TTC27: variants seen among roughly 807,000 people sequenced by gnomAD.
TTC27 encodes tetratricopeptide repeat domain 27.
A neutral mutation model predicts 115.9 loss-of-function variants in TTC27; 79 were observed. The ratio of observed to expected loss-of-function variants is 0.68; its 90% CI spans 0.57 to 0.82. The LOEUF is 0.82. Among genes scored for constraint, TTC27 ranks in the 40% least tolerant of loss-of-function variants. The pLI is 0.00. For synonymous variants in TTC27, 401 were observed against 356.0 expected (o/e 1.13, Z -1.42); for missense variants, 1,054 against 993.1 (o/e 1.06, Z -0.82).
intron 8 of TTC27, among the ~76,000 whole-genome samples, chr2:32,676,348 G>T (rs1206909100): frequency 6.6e-6 from 1 of 151,300 alleles, no homozygotes; most frequent in Non-Finnish European, 1.5e-5. Flanking sequence ...TCCCTTCATT[G>T]ATTTTTTTTC....
intron 4 of TTC27, among the ~76,000 whole-genome samples, chr2:32,647,627 G>T (rs1664917310): frequency 6.6e-6 from 1 of 152,176 alleles, no homozygotes; most frequent in South Asian, 2.1e-4. Context: ...ATGGTGTGTA[G>T]CAGTTTAGAA....
chr2:32,658,511 T>C (rs1665418573), intron 5 of TTC27, among the ~76,000 whole-genome samples: 1 of 152,238 alleles, frequency 6.6e-6, no homozygotes, highest in African/African-American at 2.4e-5. Context: ...TACCCATTCC[T>C]AGGCAGAGTT....
At chr2:32,774,876 C>T (rs915537022) in intron 13 of TTC27, among the ~76,000 whole-genome samples, 3 of 152,158 alleles carry the variant, frequency 2.0e-5, no homozygotes, top group Non-Finnish European at 4.4e-5. Flanking sequence ...TAGCAGTTAA[C>T]GATCCTAGGA....
At chr2:32,808,327 G>C (rs967395019) in intron 16 of TTC27, among the ~76,000 whole-genome samples, 2 of 152,164 alleles carry the variant, frequency 1.3e-5, no homozygotes, top group African/African-American at 4.8e-5. Flanking sequence ...TATCTGCCAT[G>C]ACCCTCAATG....
At chr2:32,711,321 C>T (rs1389749191) in intron 10 of TTC27, among the ~76,000 whole-genome samples, 1 of 152,122 alleles carries the variant, frequency 6.6e-6, no homozygotes, top group African/African-American at 2.4e-5. Context: ...CAGGGTAGTA[C>T]TGTAGAAAAT....
intron 19 of TTC27, 107 bp downstream of exon 19, chr2:32,817,664 A>G (rs1347831213): frequency 2.9e-6 from 3 of 1,035,288 alleles, no homozygotes; most frequent in East Asian, 5.0e-5. Context: ...TTTTAGGCGC[A>G]TGTTTTATTT....
At position 32,758,350 on chromosome 2, in the gene TTC27, T is replaced by C. The variant is rs1259054401; in HGVS notation, c.1511T>C (p.Leu504Ser). The change falls in exon 13 of 20, where the codon TTG becomes TCG. Residue 504 changes from leucine (L) to serine (S), a missense_variant. Physicochemically the swap from Leu to Ser is moderately radical, Grantham distance 145. Transcript: ENST00000317907. Reference protein sequence around the residue: ...EKKETPSLYCLLGDVLGDHSC... With the variant: ...EKKETPSLYCSLGDVLGDHSC... ...AAAGAAACGCCTAGTTTATACTGCTTGCTTGGAGATGTCCTCGGAGACCAT... is the reference window on the plus strand; with the variant it reads ...AAAGAAACGCCTAGTTTATACTGCTCGCTTGGAGATGTCCTCGGAGACCAT... 2 of 1,614,104 alleles carry C rather than the reference T, an allele frequency of 1.2e-6. No homozygotes were observed. Among genetic ancestry groups the C allele is most frequent in the African/African-American group, 2.7e-5 (2 of 74,934 alleles).
At chr2:32,785,723 G>A (rs1251260262) in intron 15 of TTC27, among the ~76,000 whole-genome samples, 1 of 152,164 alleles carries the variant, frequency 6.6e-6, no homozygotes, top group African/African-American at 2.4e-5. Flanking sequence ...AGCCTCCCAA[G>A]TAGCTGGGAC....
intron 5 of TTC27, among the ~76,000 whole-genome samples, chr2:32,659,378 G>T (rs1429198709): frequency 1.4e-5 from 2 of 141,682 alleles, no homozygotes; most frequent in Non-Finnish European, 3.0e-5. Flanking sequence ...TTTTTTTAAG[G>T]ATCTCATTGA....
intron 11 of TTC27, among the ~76,000 whole-genome samples, 167 bp from the exon 12 acceptor site, chr2:32,736,527 G>A (rs916978789): frequency 2.0e-5 from 3 of 151,982 alleles, no homozygotes; most frequent in Non-Finnish European, 2.9e-5. Context: ...CTAAAGTAAA[G>A]GTATGTATTG....
rs1668466327 is a variant in TTC27, at chr2:32,736,786, T to C, written c.1422T>C (p.Ile474=). Reference sequence around the variant, plus strand: ...TAGAAATGTGGGAAGATGTTGTCATTTGTTATGAAAGAGCCGGGCAGCACG... The same window carrying C: ...TAGAAATGTGGGAAGATGTTGTCATCTGTTATGAAAGAGCCGGGCAGCACG... The part of the protein sequence containing the change: ...EKLEMWEDVV[I]CYERAGQHGK... The change falls in exon 12 of 20, where the codon ATT becomes ATC. Residue 474 remains isoleucine (I), a synonymous_variant. Transcript: ENST00000317907. 6.2e-7 allele frequency: 1 copy of C among 1,614,008 alleles called. No homozygotes were observed. The highest frequency in any genetic ancestry group is 8.5e-7 in the Non-Finnish European group (1 of 1,179,910).
Position 32,702,847 on chromosome 2 carries a change from C to T in TTC27, c.1160C>T (p.Ser387Leu). The change falls in exon 10 of 20, where the codon TCA (serine) becomes TTA (leucine). Residue 387 changes from serine (S) to leucine (L), a missense_variant. Coordinates refer to ENST00000317907, the MANE Select transcript of TTC27 (RefSeq NM_017735.5). The part of the protein sequence containing the change: ...SQPKFWAIQT[S>L]ALILRTKLEK... ...CCAAAGTTCTGGGCCATTCAGACAT[C>T]AGCCTTGATCCTCCGGACAAAACTT... The T allele has an allele frequency of 1.2e-6, 2 of 1,614,082 alleles. No individual in the cohort carries two copies. The highest frequency in any genetic ancestry group is 1.7e-6 in the Non-Finnish European group (2 of 1,179,990).
intron 13 of TTC27, among the ~76,000 whole-genome samples, chr2:32,762,328 T>TGTGTGTGTG (rs1491413114): frequency 6.1e-5 from 6 of 97,876 alleles, no homozygotes; most frequent in Admixed American, 1.0e-4. Flanking sequence ...TGTGTGTGTG[T>TGTGTGTGTG]TGGGGGAACA....
intron 8 of TTC27, 25 bp downstream of exon 8, chr2:32,672,409 C>G: frequency 6.7e-7 from 1 of 1,501,492 alleles, no homozygotes; most frequent in Admixed American, 1.7e-5. Flanking sequence ...GACTTGGCTG[C>G]TTTGAACACT....
chr2:32,657,940 C>T (rs1559190996), intron 5 of TTC27, among the ~76,000 whole-genome samples: 1 of 152,192 alleles, frequency 6.6e-6, no homozygotes, highest in Non-Finnish European at 1.5e-5. Context: ...AGTGATTCTC[C>T]AGCCTCAGCC....
At chr2:32,754,051 C>T (rs564565603) in intron 12 of TTC27, among the ~76,000 whole-genome samples, 8 of 149,278 alleles carry the variant, frequency 5.4e-5, no homozygotes, top group South Asian at 2.1e-4. Context: ...CCAGCCTGGG[C>T]GACAGAAGCA....
intron 10 of TTC27, among the ~76,000 whole-genome samples, chr2:32,728,039 T>C (rs1216591131): frequency 3.2e-5 from 2 of 63,176 alleles, no homozygotes; most frequent in Non-Finnish European, 7.9e-5. Flanking sequence ...GACTGCCTCT[T>C]TTTTTTTTTT....
intron 9 of TTC27, among the ~76,000 whole-genome samples, chr2:32,695,856 A>G (rs959862401): frequency 1.3e-5 from 2 of 151,626 alleles, no homozygotes; most frequent in East Asian, 1.9e-4. Context: ...GTGAACCGAG[A>G]TGGCGCCGTC....
rs141160099 is a variant in TTC27, at chr2:32,678,921, C to T, written c.1118C>T (p.Ser373Leu). Residue 373 changes from serine (S) to leucine (L), a missense_variant and splice_region_variant, in exon 9 of 20, where the codon TCA becomes TTA. Ser to Leu is a moderately radical substitution (Grantham distance 145). Transcript: ENST00000317907. ...LTEVELLAFT[S>L]CLLSQPKFWA... ...GAAGTGGAGCTTCTGGCATTTACAT[C>T]AGTGAGTAATGTCTTTTTCTCTTCC... 149 of 1,612,212 alleles carry T rather than the reference C, an allele frequency of 9.2e-5. No homozygotes were observed. The highest frequency in any genetic ancestry group is 8.2e-4 in the Middle Eastern group (5 of 6,080).
Sources: allele counts gnomAD v4.1 joint callset (sites outside exome capture counted in the v4.1 genomes callset), GRCh38; gene constraint gnomAD v4.1.1; transcripts MANE v1.5; gene names NCBI Gene and HGNC (gene_info 2026-07-23, HGNC 2026-07-21).